GRID2: variants seen among roughly 807,000 people sequenced by gnomAD.
GRID2 encodes glutamate ionotropic receptor delta type subunit 2.
In GRID2, 33 loss-of-function variants were observed where a neutral mutation model predicts 114.8. The ratio of observed to expected loss-of-function variants is 0.29; its 90% CI spans 0.22 to 0.38. GRID2 has a LOEUF of 0.38. GRID2 is among the 10% of genes least tolerant of loss of function. GRID2 has a pLI of 1.00. For synonymous variants in GRID2, 505 were observed against 449.9 expected (o/e 1.12, Z -1.55); for missense variants, 1,184 against 1,257.7 (o/e 0.94, Z 0.89).
Position 93,633,215 on chromosome 4 carries a change from C to T in GRID2, c.2360+6780C>T, listed in dbSNP as rs188553446. Among the ~76,000 whole-genome samples the T allele has an allele frequency of 2.5e-4, 38 of 151,678 alleles. No individual in the cohort carries two copies. The East Asian group carries it at 6.8e-3, about 27-fold the overall frequency. On this transcript the variant is annotated intron_variant, in intron 14 of 15. Coordinates refer to ENST00000282020, the MANE Select transcript of GRID2 (RefSeq NM_001510.4). Reference sequence around the variant, plus strand: ...TACTCCTTAGTTGTAGTCTTTTTTCCTATAAACTATTAGAATATTTAATTT... The same window carrying T: ...TACTCCTTAGTTGTAGTCTTTTTTCTTATAAACTATTAGAATATTTAATTT...
intron 1 of GRID2, among the ~76,000 whole-genome samples, chr4:92,474,208 G>T (rs1722182846): frequency 6.6e-6 from 1 of 151,916 alleles, no homozygotes; most frequent in African/African-American, 2.4e-5. Context: ...CCATCATTCT[G>T]CTCTCTGTTT....
intron 2 of GRID2, among the ~76,000 whole-genome samples, chr4:92,874,256 TG>T (rs1304530042): frequency 6.6e-6 from 1 of 152,202 alleles, no homozygotes; most frequent in Non-Finnish European, 1.5e-5. Flanking sequence ...TAACTTCAAA[TG>T]TTGTAGCGTC....
intron 2 of GRID2, among the ~76,000 whole-genome samples, chr4:93,069,964 A>G (rs1728666111): frequency 6.6e-6 from 1 of 152,092 alleles, no homozygotes; most frequent in South Asian, 2.1e-4. Flanking sequence ...TGGTTGTTTC[A>G]GTTTTTAATT....
chr4:92,359,328 C>T (rs1450390308), intron 1 of GRID2, among the ~76,000 whole-genome samples: 2 of 151,910 alleles, frequency 1.3e-5, no homozygotes, highest in African/African-American at 4.8e-5. Context: ...AAAGTAATAG[C>T]ATGAAACTAG....
At chr4:93,579,571 A>G (rs1736760976) in intron 13 of GRID2, among the ~76,000 whole-genome samples, 1 of 152,094 alleles carries the variant, frequency 6.6e-6, no homozygotes, top group African/African-American at 2.4e-5. Context: ...CCACCTGACC[A>G]ATGGGAAGTA....
At chr4:93,264,983 ATT>A (rs1156746700) in intron 8 of GRID2, among the ~76,000 whole-genome samples, 3 of 151,458 alleles carry the variant, frequency 2.0e-5, no homozygotes, top group Non-Finnish European at 2.9e-5. Context: ...GGGTTTCACC[ATT>A]TTGGCCAGGA....
chr4:93,500,050 G>A (rs72668798), intron 12 of GRID2, among the ~76,000 whole-genome samples: 10,500 of 152,048 alleles, frequency 0.069, 717 homozygotes, highest in African/African-American at 0.18. Flanking sequence ...AATAAAGAGA[G>A]CTTTGCAGAA....
intron 1 of GRID2, among the ~76,000 whole-genome samples, chr4:92,310,228 T>C (rs1725626516): frequency 1.3e-5 from 2 of 152,058 alleles, no homozygotes; most frequent in Admixed American, 6.6e-5. Flanking sequence ...AATTTATTTG[T>C]TTTGTAAAAA....
intron 14 of GRID2, among the ~76,000 whole-genome samples, chr4:93,743,498 G>C (rs1448063555): frequency 1.3e-5 from 2 of 152,064 alleles, no homozygotes; most frequent in Non-Finnish European, 2.9e-5. Flanking sequence ...AAGGTTTTTT[G>C]GTTCATGATT....
At chr4:92,475,459 T>G (rs894146122) in intron 1 of GRID2, among the ~76,000 whole-genome samples, 2 of 151,758 alleles carry the variant, frequency 1.3e-5, no homozygotes, top group African/African-American at 2.4e-5. Context: ...GTTGACATCT[T>G]GGTCAAAAAT....
At chr4:92,580,484 T>A (rs756130747) in intron 1 of GRID2, among the ~76,000 whole-genome samples, 12 of 151,990 alleles carry the variant, frequency 7.9e-5, no homozygotes, top group Non-Finnish European at 8.8e-5. Flanking sequence ...AGTTTTAAAA[T>A]GCTCAATTAC....
At chr4:92,321,902 G>A (rs1259006731) in intron 1 of GRID2, among the ~76,000 whole-genome samples, 3 of 152,052 alleles carry the variant, frequency 2.0e-5, no homozygotes, top group Non-Finnish European at 2.9e-5. Context: ...ATGAGTGATG[G>A]AATTTTCAAA....
chr4:93,599,015 A>T (rs2149635510), intron 13 of GRID2, among the ~76,000 whole-genome samples: 1 of 152,330 alleles, frequency 6.6e-6, no homozygotes, highest in South Asian at 2.1e-4. Flanking sequence ...TTACATATAT[A>T]ATCTAGACTA....
chr4:92,616,362 C>T, intron 2 of GRID2, among the ~76,000 whole-genome samples: 1 of 151,288 alleles, frequency 6.6e-6, no homozygotes, highest in East Asian at 2.0e-4. Flanking sequence ...ATTATGGTTT[C>T]ATTGTAACTG....
chr4:92,862,321 A>G (rs906345059), intron 2 of GRID2, among the ~76,000 whole-genome samples: 1 of 152,088 alleles, frequency 6.6e-6, no homozygotes, highest in African/African-American at 2.4e-5. Flanking sequence ...TATGAATGAA[A>G]TTCATTAAGG....
chr4:92,499,957 CAAAT>C (rs1723590169), intron 1 of GRID2, among the ~76,000 whole-genome samples: 1 of 152,186 alleles, frequency 6.6e-6, no homozygotes, highest in Admixed American at 6.6e-5. Context: ...TTATTCCTGA[CAAAT>C]AATTGATATT....
At chr4:92,826,229 C>A (rs921307171) in intron 2 of GRID2, among the ~76,000 whole-genome samples, 3 of 152,090 alleles carry the variant, frequency 2.0e-5, no homozygotes, top group African/African-American at 4.8e-5. Flanking sequence ...AGGTATGCAT[C>A]CAACTTAGGG....
chr4:92,714,741 C>A (rs1735448237), intron 2 of GRID2, among the ~76,000 whole-genome samples: 1 of 152,164 alleles, frequency 6.6e-6, no homozygotes. Flanking sequence ...TGAGCTGGAC[C>A]TTGGTCCCTT....
rs186907624 is a variant in GRID2 at position 92,921,791 on chromosome 4, G to T, written c.245-163204G>T. 3.9e-3 allele frequency among the ~76,000 whole-genome samples: 601 copies of T among 152,320 alleles called. 8 individuals carry two copies. Among genetic ancestry groups the T allele is most frequent in the African/African-American group, 0.014 (576 of 41,582 alleles). On this transcript the variant is annotated intron_variant, in intron 2 of 15. Coordinates refer to ENST00000282020, the MANE Select transcript of GRID2 (RefSeq NM_001510.4). ...TGCCACCCAGTTAGGCTACTCAGGG[G>T]TCAGGGACCCACTTGAGGAGGCAGT...
Sources: allele counts gnomAD v4.1 joint callset (sites outside exome capture counted in the v4.1 genomes callset), GRCh38; gene constraint gnomAD v4.1.1; transcripts MANE v1.5; gene names NCBI Gene and HGNC (gene_info 2026-07-23, HGNC 2026-07-21).